DMD: variants seen among roughly 807,000 people sequenced by gnomAD.
DMD encodes dystrophin, also known as mutant dystrophin.
Under a neutral mutation model 330.1 loss-of-function variants are expected in DMD, and 63 were observed. The ratio of observed to expected loss-of-function variants is 0.19; its 90% CI spans 0.16 to 0.24. The LOEUF (loss-of-function observed/expected upper bound fraction) is 0.24, where lower values mean the gene tolerates loss of function less well. Ranked by LOEUF, DMD falls within the 10% of genes least tolerant of loss-of-function variation. The probability of loss-of-function intolerance (pLI) is 1.00; values close to 1 mark genes in which losing one functional copy is unlikely to be tolerated. For missense variants in DMD, 3,344 were observed against 2,684.1 expected (o/e 1.25, Z -5.43); for synonymous variants, 1,223 against 959.8 (o/e 1.27, Z -5.07).
intron 48 of DMD, among the ~76,000 whole-genome samples, chrX:31,865,932 C>T (rs1476340344): frequency 1.2e-4 from 13 of 111,367 alleles, no homozygotes; most frequent in African/African-American, 3.9e-4. Context: ...GAGACATTCT[C>T]ACTATTCTGT....
At chrX:33,316,815 T>C (rs774281931) in intron 1 of DMD, among the ~76,000 whole-genome samples, 2 of 111,018 alleles carry the variant, frequency 1.8e-5, no homozygotes, top group African/African-American at 6.5e-5. Flanking sequence ...TTGGGAAGAA[T>C]TGACATCTTT....
intron 9 of DMD, among the ~76,000 whole-genome samples, chrX:32,667,826 C>A (rs2061405548): frequency 1.0e-5 from 1 of 99,271 alleles, no homozygotes; most frequent in Non-Finnish European, 2.0e-5. Flanking sequence ...AATCTAATTG[C>A]ATCTTGATGA....
At chrX:32,381,727 A>T (rs1167493806) in intron 33 of DMD, among the ~76,000 whole-genome samples, 1 of 111,624 alleles carries the variant, frequency 9.0e-6, no homozygotes. Flanking sequence ...TAGAATTTAC[A>T]TAAAGAGTTT....
Position 31,180,434 on chromosome X carries a change from A to C in DMD, c.10022T>G (p.Phe3341Cys). Residue 3341 changes from phenylalanine (F) to cysteine (C), a missense_variant, in exon 69 of 79, where the codon TTT (phenylalanine) becomes TGT (cysteine). Transcript: ENST00000357033. ...HFNYDICQSC[F>C]FSGRVAKGHK... Reference sequence around the variant, plus strand: ...GCCTTTTGCAACTCGACCAGAAAAAAAGCAGCTTTGGCAGATGTCATAATT... The same window carrying C: ...GCCTTTTGCAACTCGACCAGAAAAACAGCAGCTTTGGCAGATGTCATAATT... 1 of 1,210,874 alleles carries C rather than the reference A, an allele frequency of 8.3e-7. No homozygotes were observed. Among genetic ancestry groups the C allele is most frequent in the Non-Finnish European group, 1.1e-6 (1 of 894,715 alleles).
intron 7 of DMD, among the ~76,000 whole-genome samples, chrX:32,745,223 C>T (rs962445893): frequency 8.9e-6 from 1 of 112,209 alleles, no homozygotes; most frequent in African/African-American, 3.2e-5. Flanking sequence ...GAATGAGTAA[C>T]ATTACAATGC....
At chrX:31,573,546 A>C (rs2075933419) in intron 55 of DMD, among the ~76,000 whole-genome samples, 1 of 112,149 alleles carries the variant, frequency 8.9e-6, no homozygotes, top group Non-Finnish European at 1.9e-5. Flanking sequence ...AAGACATGAT[A>C]ATCATGTATA....
intron 62 of DMD, among the ~76,000 whole-genome samples, chrX:31,266,469 T>C (rs1260446685): frequency 8.9e-6 from 1 of 112,353 alleles, no homozygotes; most frequent in African/African-American, 3.2e-5. Flanking sequence ...ACTGGCAGCC[T>C]GGAAAGGAGT....
intron 7 of DMD, among the ~76,000 whole-genome samples, chrX:32,731,563 C>A (rs1397240300): frequency 8.9e-6 from 1 of 112,403 alleles, no homozygotes; most frequent in African/African-American, 3.2e-5. Flanking sequence ...AGCTGGAGAT[C>A]TGAGAAGGGG....
intron 44 of DMD, among the ~76,000 whole-genome samples, chrX:32,053,797 G>A (rs1216060460): frequency 9.0e-6 from 1 of 111,235 alleles, no homozygotes; most frequent in Admixed American, 9.6e-5. Flanking sequence ...TATATGCTTT[G>A]TTCATAAATC....
At chrX:31,416,244 C>T (rs1198470333) in intron 60 of DMD, among the ~76,000 whole-genome samples, 1 of 111,759 alleles carries the variant, frequency 8.9e-6, no homozygotes, top group South Asian at 3.8e-4. Context: ...TCTCTGTGAA[C>T]CTTGGAGGAT....
chrX:32,099,053 A>G (rs995078578), intron 44 of DMD, among the ~76,000 whole-genome samples: 1 of 111,845 alleles, frequency 8.9e-6, no homozygotes, highest in Non-Finnish European at 1.9e-5. Flanking sequence ...AGTGTGCCCT[A>G]TGAACATTGC....
intron 52 of DMD, among the ~76,000 whole-genome samples, chrX:31,719,077 C>A (rs1369394528): frequency 8.9e-6 from 1 of 111,875 alleles, no homozygotes; most frequent in South Asian, 3.7e-4. Context: ...AAAGGTAGAA[C>A]CTGTCAAACG....
At chrX:31,842,803 T>A (rs991167696) in intron 48 of DMD, among the ~76,000 whole-genome samples, 17 of 111,630 alleles carry the variant, frequency 1.5e-4, no homozygotes, top group African/African-American at 5.2e-4. Flanking sequence ...AGGTTTGGAG[T>A]ATGATGGATC....
intron 1 of DMD, among the ~76,000 whole-genome samples, chrX:33,302,626 T>C (rs898515939): frequency 2.7e-5 from 3 of 110,930 alleles, no homozygotes; most frequent in South Asian, 3.8e-4. Flanking sequence ...TTTTCTAGAG[T>C]AGTATTAGCG....
intron 43 of DMD, among the ~76,000 whole-genome samples, chrX:32,242,564 T>C (rs1344467938): frequency 4.5e-5 from 5 of 111,835 alleles, no homozygotes; most frequent in Non-Finnish European, 9.4e-5. Flanking sequence ...CATTATTATG[T>C]ACACGAAAGA....
At chrX:31,227,942 T>C in intron 63 of DMD, among the ~76,000 whole-genome samples, 1 of 109,031 alleles carries the variant, frequency 9.2e-6, no homozygotes, top group Non-Finnish European at 1.9e-5. Flanking sequence ...AAAGGATGAG[T>C]TCATGTCCTT....
At chrX:32,612,876 G>A (rs1248508004) in intron 12 of DMD, among the ~76,000 whole-genome samples, 1 of 110,356 alleles carries the variant, frequency 9.1e-6, no homozygotes. Context: ...AGTAAGGGCT[G>A]GCCCCATTTG....
chrX:31,718,166 T>C, intron 52 of DMD, among the ~76,000 whole-genome samples: 1 of 112,439 alleles, frequency 8.9e-6, no homozygotes, highest in African/African-American at 3.2e-5. Flanking sequence ...GCATTTCATT[T>C]ATTCATTCAG....
chrX:31,972,382 C>T (rs2095406186), intron 44 of DMD, among the ~76,000 whole-genome samples: 1 of 111,344 alleles, frequency 9.0e-6, no homozygotes, highest in Non-Finnish European at 1.9e-5. Context: ...ACTACCTTTT[C>T]TATGAAAACA....
Sources: gnomAD v4.1 joint callset for allele counts (sites outside exome capture counted in the v4.1 genomes callset) on GRCh38, gnomAD v4.1.1 for gene constraint, MANE v1.5 for transcripts, NCBI Gene and HGNC (gene_info 2026-07-23, HGNC 2026-07-21) for gene names.